Variants in GNG2 observed in about 807,000 individuals in gnomAD.
The protein encoded by GNG2 is G protein subunit gamma 2, also known as guanine nucleotide-binding protein G(I)/G(S)/G(O) subunit gamma-2.
A neutral mutation model predicts 5.5 loss-of-function variants in GNG2; 5 were observed. That is an observed-to-expected ratio of 0.91 (90% CI 0.48 to 1.92). The LOEUF is 1.92. GNG2 is among the 30% of genes most tolerant of loss of function. The pLI is 0.01. For synonymous variants in GNG2, 28 were observed against 32.0 expected, an observed-to-expected ratio of 0.88 and a Z score of 0.42; for missense variants, 55 against 88.4, an observed-to-expected ratio of 0.62 and a Z score of 1.52.
chr14:51,949,091 A>C (rs1481713977), intron 2 of GNG2, among the ~76,000 whole-genome samples: 1 of 151,166 alleles, frequency 6.6e-6, no homozygotes, highest in Non-Finnish European at 1.5e-5. Context: ...ACTGCACTCC[A>C]GCTTGGGCGA....
At chr14:51,844,891 A>C (rs1039859031) in intron 2 of GNG2, among the ~76,000 whole-genome samples, 5 of 151,976 alleles carry the variant, frequency 3.3e-5, no homozygotes, top group Non-Finnish European at 7.4e-5. Flanking sequence ...AGGCCCAGCT[A>C]ATTTTTTGTA....
At chr14:51,926,957 G>A (rs146409981) in intron 2 of GNG2, among the ~76,000 whole-genome samples, 160 of 152,286 alleles carry the variant, frequency 1.1e-3, no homozygotes, top group African/African-American at 3.7e-3. Flanking sequence ...TAAGTGGACA[G>A]TCAGTCCAGC....
chr14:51,853,282 C>T lies in GNG2; in HGVS notation c.64+25475C>T, dbSNP rs141745379. 7.6e-4 allele frequency among the ~76,000 whole-genome samples: 115 copies of T among 152,284 alleles called. 1 individual carries two copies. Among genetic ancestry groups the T allele is most frequent in the African/African-American group, 2.6e-3 (110 of 41,552 alleles). On this transcript the variant is annotated intron_variant, in intron 2 of 3. Coordinates refer to the GNG2 transcript ENST00000553432. ...TGCTGAAGATGAAGAGATGCGAGAC[C>T]TAGCCCTTGCCCTCAGGGAGTGGCA...
At chr14:51,886,833 C>G (rs918439732) in intron 2 of GNG2, among the ~76,000 whole-genome samples, 2 of 152,206 alleles carry the variant, frequency 1.3e-5, no homozygotes, top group Admixed American at 6.5e-5. Flanking sequence ...GCAAGGAAGT[C>G]TGCCACTGAG....
chr14:51,896,821 C>T (rs779747559), intron 2 of GNG2, among the ~76,000 whole-genome samples: 59 of 151,944 alleles, frequency 3.9e-4, no homozygotes, highest in Admixed American at 4.6e-4. Flanking sequence ...ATAAAAGATA[C>T]GCACTTTAAA....
chr14:51,875,841 C>T (rs1024488882), intron 1 of GNG2, among the ~76,000 whole-genome samples: 2 of 150,590 alleles, frequency 1.3e-5, no homozygotes, highest in African/African-American at 4.9e-5. Context: ...ATAAAATAAC[C>T]TTATTTTAAG....
intron 2 of GNG2, among the ~76,000 whole-genome samples, chr14:51,942,745 G>T (rs1278521965): frequency 6.6e-6 from 1 of 151,266 alleles, no homozygotes; most frequent in African/African-American, 2.4e-5. Flanking sequence ...AGTTTTAAAA[G>T]ACATTTTGGC....
chr14:51,875,147 T>A (rs1263099647), intron 1 of GNG2, among the ~76,000 whole-genome samples: 1 of 152,238 alleles, frequency 6.6e-6, no homozygotes, highest in Non-Finnish European at 1.5e-5. Flanking sequence ...CGGACGTGGA[T>A]GGCCCAGGAC....
chr14:51,955,102 A>G (rs1282996734), intron 3 of GNG2, among the ~76,000 whole-genome samples: 1 of 152,210 alleles, frequency 6.6e-6, no homozygotes, highest in Non-Finnish European at 1.5e-5. Flanking sequence ...ATAAGATGCA[A>G]GGCAAGAGCA....
At chr14:51,956,149 C>T (rs1375998360) in intron 3 of GNG2, among the ~76,000 whole-genome samples, 1 of 152,188 alleles carries the variant, frequency 6.6e-6, no homozygotes, top group African/African-American at 2.4e-5. Flanking sequence ...CTATATATCT[C>T]TTTATCCAAC....
rs1459316009 is a variant in GNG2, at chr14:51,910,198, G to A, written c.-30+32541G>A. 2.6e-5 allele frequency among the ~76,000 whole-genome samples: 4 copies of A among 152,290 alleles called. No individual in the cohort carries two copies. The East Asian group carries it at 7.7e-4, about 29-fold the overall frequency. On this transcript the variant is annotated intron_variant, in intron 2 of 3. Coordinates refer to ENST00000556766, the MANE Select transcript of GNG2 (RefSeq NM_053064.5). ...AAATTAGCAGTATTCCAGGAAGCCA[G>A]GAAAACGGAGATCTGCAGGATGAAT...
chr14:51,922,535 C>A (rs976468817), intron 2 of GNG2, among the ~76,000 whole-genome samples: 2 of 152,118 alleles, frequency 1.3e-5, no homozygotes, highest in African/African-American at 4.8e-5. Context: ...CCTACCCCTA[C>A]CAGAGGCTAT....
intron 2 of GNG2, among the ~76,000 whole-genome samples, chr14:51,938,428 C>G (rs1294833799): frequency 6.6e-6 from 1 of 152,226 alleles, no homozygotes; most frequent in Non-Finnish European, 1.5e-5. Flanking sequence ...TTCATTCCCA[C>G]TCCTTGTATA....
chr14:51,847,636 G>A (rs73289374), intron 2 of GNG2, among the ~76,000 whole-genome samples: 1,742 of 152,278 alleles, frequency 0.011, 34 homozygotes, highest in African/African-American at 0.04. Flanking sequence ...AATCCTCAGT[G>A]GTGTAGAATC....
At chr14:51,867,812 C>T (rs917771211) in intron 1 of GNG2, among the ~76,000 whole-genome samples, 81 of 152,066 alleles carry the variant, frequency 5.3e-4, no homozygotes, top group African/African-American at 1.9e-3. Context: ...CTTTTTTCCC[C>T]AATAAAAAAA....
intron 2 of GNG2, among the ~76,000 whole-genome samples, chr14:51,840,547 C>A (rs1217787098): frequency 1.3e-5 from 2 of 152,184 alleles, no homozygotes; most frequent in Non-Finnish European, 2.9e-5. Flanking sequence ...CCACTGGTGC[C>A]CCAATCTCAA....
intron 1 of GNG2, among the ~76,000 whole-genome samples, chr14:51,862,005 C>T (rs1285510418): frequency 6.6e-6 from 1 of 152,086 alleles, no homozygotes; most frequent in Non-Finnish European, 1.5e-5. Flanking sequence ...ATTCTTGAAA[C>T]ATAGGTTCTT....
intron 2 of GNG2, among the ~76,000 whole-genome samples, chr14:51,829,171 T>TC (rs2140068895): frequency 6.6e-6 from 1 of 152,270 alleles, no homozygotes; most frequent in East Asian, 1.9e-4. Flanking sequence ...AGCCTTTCAG[T>TC]CCTCCAGTGA....
intron 3 of GNG2, among the ~76,000 whole-genome samples, chr14:51,966,209 C>CAGAAAAA (rs1889884226): frequency 3.6e-5 from 1 of 28,144 alleles, no homozygotes; most frequent in Non-Finnish European, 5.7e-5. Flanking sequence ...GACTGCATCT[C>CAGAAAAA]AAAAAAAAAA....
Sources: gnomAD v4.1 joint callset for allele counts (sites outside exome capture counted in the v4.1 genomes callset) on GRCh38, gnomAD v4.1.1 for gene constraint, MANE v1.5 for transcripts, NCBI Gene and HGNC (gene_info 2026-07-23, HGNC 2026-07-21) for gene names.